MFHAS1: variants seen among roughly 807,000 people sequenced by gnomAD.
MFHAS1 encodes malignant fibrous histiocytoma-amplified sequence 1.
MFHAS1 carries 50 observed loss-of-function variants against 70.4 expected under a neutral mutation model. That is an observed-to-expected ratio of 0.71 (90% CI 0.57 to 0.90). MFHAS1 has a LOEUF of 0.90. Among genes scored for constraint, MFHAS1 ranks in the 40% least tolerant of loss-of-function variants. The pLI is 0.00. For missense variants in MFHAS1, 1,795 were observed against 1,347.6 expected, an observed-to-expected ratio of 1.33 and a Z score of -5.20; for synonymous variants, 952 against 620.0, an observed-to-expected ratio of 1.54 and a Z score of -7.96.
At chr8:8,792,277 G>T (rs1805744443) in intron 2 of MFHAS1, among the ~76,000 whole-genome samples, 1 of 106,320 alleles carries the variant, frequency 9.4e-6, no homozygotes, top group African/African-American at 4.4e-5. Context: ...TAACACACCA[G>T]CCTGCAAAAC....
At chr8:8,795,515 G>A (rs987995425) in intron 2 of MFHAS1, among the ~76,000 whole-genome samples, 1 of 152,212 alleles carries the variant, frequency 6.6e-6, no homozygotes, top group Non-Finnish European at 1.5e-5. Flanking sequence ...TAGTTAAATA[G>A]TACTCTGAAT....
At chr8:8,835,022 G>A (rs552752316) in intron 1 of MFHAS1, among the ~76,000 whole-genome samples, 4 of 152,252 alleles carry the variant, frequency 2.6e-5, no homozygotes, top group East Asian at 1.9e-4. Context: ...GTGAACCAAG[G>A]AAGTTTGCAA....
intron 1 of MFHAS1, among the ~76,000 whole-genome samples, chr8:8,882,591 G>A (rs1204096252): frequency 3.3e-5 from 5 of 152,060 alleles, no homozygotes; most frequent in Admixed American, 6.5e-5. Context: ...CACCCTGGGC[G>A]ACAGAGTGAG....
rs1350321284 is a variant in MFHAS1 at position 8,852,118 on chromosome 8, CTCCAGAGAGCTGAGGTT to C, written c.2998+37926_2998+37942del. Among the ~76,000 whole-genome samples, 7 of 152,110 alleles carry C rather than the reference CTCCAGAGAGCTGAGGTT, an allele frequency of 4.6e-5. No homozygotes were observed. In the East Asian group the frequency reaches 1.3e-3, roughly 29 times the overall value. On this transcript the variant is annotated intron_variant, in intron 1 of 2. Coordinates refer to ENST00000276282, the MANE Select transcript of MFHAS1 (RefSeq NM_004225.3). The stretch of plus-strand genomic sequence containing the variant: ...TCGCACCCTTAGCAGATATTCTGTC[CTCCAGAGAGCTGAGGTT>C]TCAGGAGTGCCAAGCAAGGTATAAA...
chr8:8,850,813 A>T (rs1409843176), intron 1 of MFHAS1, among the ~76,000 whole-genome samples: 2 of 24,560 alleles, frequency 8.1e-5, no homozygotes, highest in Non-Finnish European at 1.5e-4. Flanking sequence ...CTCCGTCTCA[A>T]AAAAAAAAAA....
At chr8:8,836,962 C>T (rs1807618930) in intron 1 of MFHAS1, among the ~76,000 whole-genome samples, 1 of 152,164 alleles carries the variant, frequency 6.6e-6, no homozygotes, top group Non-Finnish European at 1.5e-5. Context: ...ATTCTGTCTG[C>T]TTAATGTCAT....
intron 1 of MFHAS1, among the ~76,000 whole-genome samples, chr8:8,863,645 T>A: frequency 6.6e-6 from 1 of 152,210 alleles, no homozygotes. Context: ...CCTACCTATT[T>A]GGACTTCCTC....
At chr8:8,887,873 A>G (rs1251309735) in intron 1 of MFHAS1, among the ~76,000 whole-genome samples, 1 of 150,962 alleles carries the variant, frequency 6.6e-6, no homozygotes, top group Admixed American at 6.6e-5. Flanking sequence ...AAAAAAAAAA[A>G]AAAAACCTCC....
intron 1 of MFHAS1, among the ~76,000 whole-genome samples, chr8:8,810,102 C>G (rs1039372217): frequency 3.3e-5 from 5 of 152,116 alleles, no homozygotes; most frequent in Admixed American, 2.6e-4. Flanking sequence ...CGCAGTGGCT[C>G]GCGCCTGTAA....
chr8:8,830,522 T>C (rs1350817896), intron 1 of MFHAS1, among the ~76,000 whole-genome samples: 1 of 152,176 alleles, frequency 6.6e-6, no homozygotes, highest in African/African-American at 2.4e-5. Context: ...TCTAGAGTTC[T>C]CTGGACCAAT....
intron 1 of MFHAS1, among the ~76,000 whole-genome samples, chr8:8,822,504 T>C (rs1318962825): frequency 1.6e-5 from 2 of 121,270 alleles, no homozygotes; most frequent in Non-Finnish European, 3.4e-5. Context: ...TCAGGGGGAC[T>C]GAGATGGGGA....
intron 1 of MFHAS1, among the ~76,000 whole-genome samples, chr8:8,861,340 G>A (rs1039917): frequency 0.31 from 47,349 of 152,044 alleles, 8,730 homozygotes; most frequent in East Asian, 0.47. Flanking sequence ...GCTTTTGTAG[G>A]TCAAGAATGA....
In MFHAS1 at chr8:8,892,318, G is replaced by A. The variant is rs531594559; in HGVS notation, c.741C>T (p.Cys247=). Reference sequence around the variant, plus strand: ...TGAGGCTCTCCAAACTGGCCAGCTCGCAGAAGCCGGCGGGCAGCGTGCCAA... The same window carrying A: ...TGAGGCTCTCCAAACTGGCCAGCTCACAGAAGCCGGCGGGCAGCGTGCCAA... ...AELGTLPAGF[C]ELASLESLML... Residue 247 remains cysteine, a synonymous_variant, in exon 1 of 3, where the codon TGC becomes TGT. Coordinates refer to ENST00000276282, the MANE Select transcript of MFHAS1 (RefSeq NM_004225.3). The surrounding 1 kb of genome is among the most constrained non-coding windows in gnomAD (Gnocchi z 4.7). 1.8e-4 allele frequency: 293 copies of A among 1,612,134 alleles called. 3 individuals carry two copies. The South Asian group carries it at 3.1e-3, about 17-fold the overall frequency.
chr8:8,803,153 C>T (rs776727709), intron 1 of MFHAS1, among the ~76,000 whole-genome samples: 3 of 152,120 alleles, frequency 2.0e-5, no homozygotes, highest in Non-Finnish European at 4.4e-5. Flanking sequence ...CAGAGTTAGC[C>T]CTCCTTATCA....
chr8:8,890,074 T>C lies in MFHAS1; in HGVS notation c.2985A>G (p.Pro995=). 2 of 1,597,050 alleles carry C rather than the reference T, an allele frequency of 1.3e-6. No individual in the cohort carries two copies. Among genetic ancestry groups the C allele is most frequent in the Non-Finnish European group, 1.7e-6 (2 of 1,168,714 alleles). Reference sequence around the variant, plus strand: ...CTCTCCACTTACCTGGAAAAGCATGTGGATTGGGCGATCCTCTCTTAAGGC... The same window carrying C: ...CTCTCCACTTACCTGGAAAAGCATGCGGATTGGGCGATCCTCTCTTAAGGC... ...SKCLKRGSPN[P]HAFPGELLSQ... Residue 995 remains proline, a synonymous_variant, in exon 1 of 3, where the codon CCA becomes CCG. Transcript: ENST00000276282.
intron 2 of MFHAS1, among the ~76,000 whole-genome samples, chr8:8,790,028 T>C (rs1320002646): frequency 6.6e-6 from 1 of 152,156 alleles, no homozygotes; most frequent in African/African-American, 2.4e-5. Flanking sequence ...GTGGACCCAC[T>C]TGATGTTTTA....
intron 2 of MFHAS1, among the ~76,000 whole-genome samples, chr8:8,793,529 G>A (rs1430301391): frequency 6.6e-6 from 1 of 152,206 alleles, no homozygotes; most frequent in Non-Finnish European, 1.5e-5. Flanking sequence ...GGTCTACCTG[G>A]GAGCTTTCTC....
intron 1 of MFHAS1, among the ~76,000 whole-genome samples, chr8:8,838,738 G>C (rs1025863869): frequency 1.3e-5 from 2 of 151,486 alleles, no homozygotes; most frequent in African/African-American, 4.8e-5. Context: ...GGTTGAACTG[G>C]GAGGCAGAGG....
At chr8:8,853,931 G>C (rs1808337466) in intron 1 of MFHAS1, among the ~76,000 whole-genome samples, 1 of 152,128 alleles carries the variant, frequency 6.6e-6, no homozygotes, top group Non-Finnish European at 1.5e-5. Flanking sequence ...CACTGGTGAA[G>C]GTGGATAATT....
Sources: gnomAD v4.1 joint callset for allele counts (sites outside exome capture counted in the v4.1 genomes callset) on GRCh38, gnomAD v4.1.1 for gene constraint, Gnocchi (gnomAD v3.1) non-coding constraint, MANE v1.5 for transcripts, NCBI Gene and HGNC (gene_info 2026-07-23, HGNC 2026-07-21) for gene names.